NEBL: variants seen among roughly 807,000 people sequenced by gnomAD.
NEBL encodes the protein nebulette, also known as LIM and SH3 protein 2.
NEBL carries 122 observed loss-of-function variants against 140.2 expected under a neutral mutation model. That is an observed-to-expected ratio of 0.87 (90% CI 0.75 to 1.01). NEBL has a LOEUF of 1.01. Among genes scored for constraint, NEBL ranks in the 50% least tolerant of loss-of-function variants. NEBL has a pLI of 0.00. For synonymous variants in NEBL, 436 were observed against 398.9 expected (o/e 1.09, Z -1.11); for missense variants, 1,365 against 1,231.3 (o/e 1.11, Z -1.62).
intron 26 of NEBL, among the ~76,000 whole-genome samples, chr10:20,792,817 A>C (rs1160278557): frequency 2.6e-5 from 4 of 151,802 alleles, no homozygotes; most frequent in Non-Finnish European, 4.4e-5. Context: ...AAAAAAAAAA[A>C]CAAAACTCCT....
intron 3 of NEBL, among the ~76,000 whole-genome samples, chr10:21,180,947 T>A (rs1841376978): frequency 6.6e-6 from 1 of 152,048 alleles, no homozygotes; most frequent in Admixed American, 6.5e-5. Context: ...ACCTCTGCAC[T>A]GTATTTTTTT....
chr10:21,123,406 A>G (rs1328776680), intron 2 of NEBL, among the ~76,000 whole-genome samples: 3 of 152,232 alleles, frequency 2.0e-5, no homozygotes, highest in South Asian at 2.1e-4. Flanking sequence ...ATATCTGTAC[A>G]GAGAACTGCA....
At chr10:21,058,880 C>A (rs764556711) in intron 2 of NEBL, among the ~76,000 whole-genome samples, 1 of 152,128 alleles carries the variant, frequency 6.6e-6, no homozygotes, top group Non-Finnish European at 1.5e-5. Flanking sequence ...TTCAGATGTG[C>A]TGAGTATTAG....
rs772262042 is a variant in NEBL, at chr10:20,868,646, T to C, written c.684+18A>G. 3 of 1,503,194 alleles carry C rather than the reference T, an allele frequency of 2.0e-6. No homozygotes were observed. In the South Asian group the frequency reaches 3.4e-5, roughly 17 times the overall value. 93.1% of individuals were successfully genotyped at this position (1,503,194 alleles called of 1,614,324 possible). Reference sequence around the variant, plus strand: ...ATATCTGAATAAAGTCATTGTGGAATCATCACTAAAGCCTTACTTGACTAG... The same window carrying C: ...ATATCTGAATAAAGTCATTGTGGAACCATCACTAAAGCCTTACTTGACTAG... On this transcript the variant is annotated intron_variant, in intron 7 of 27. Transcript: ENST00000377122.
chr10:21,149,581 G>A (rs545942355), intron 2 of NEBL, among the ~76,000 whole-genome samples: 34 of 152,306 alleles, frequency 2.2e-4, no homozygotes, highest in African/African-American at 7.9e-4. Context: ...ATGAGCCATC[G>A]CGCCCGACCT....
At chr10:21,082,412 A>T (rs2131938985) in intron 2 of NEBL, among the ~76,000 whole-genome samples, 1 of 152,250 alleles carries the variant, frequency 6.6e-6, no homozygotes, top group South Asian at 2.1e-4. Flanking sequence ...AATACACACT[A>T]AAATATTTGG....
chr10:21,048,141 A>G (rs1191559559), intron 2 of NEBL, among the ~76,000 whole-genome samples: 1 of 152,186 alleles, frequency 6.6e-6, no homozygotes, highest in African/African-American at 2.4e-5. Flanking sequence ...GAACTCTCCC[A>G]GCATCCCTTG....
intron 5 of NEBL, among the ~76,000 whole-genome samples, chr10:20,875,055 T>G (rs941777516): frequency 1.3e-5 from 2 of 152,206 alleles, no homozygotes; most frequent in Non-Finnish European, 2.9e-5. Context: ...TTTTCTACAG[T>G]GCCAAATCTG....
chr10:20,944,641 C>T (rs543648823), intron 4 of NEBL, among the ~76,000 whole-genome samples: 94 of 152,328 alleles, frequency 6.2e-4, no homozygotes, highest in African/African-American at 1.9e-3. Context: ...ATGTCTGAGA[C>T]TAGCTATCCC....
chr10:20,944,335 G>A (rs1336499851), intron 4 of NEBL, among the ~76,000 whole-genome samples: 2 of 152,102 alleles, frequency 1.3e-5, no homozygotes, highest in African/African-American at 2.4e-5. Flanking sequence ...GGGAGGCGGA[G>A]GGTGCACTGA....
intron 1 of NEBL, among the ~76,000 whole-genome samples, chr10:21,262,535 T>C (rs1448684873): frequency 6.6e-6 from 1 of 152,174 alleles, no homozygotes; most frequent in Non-Finnish European, 1.5e-5. Flanking sequence ...TATCTGGGAT[T>C]GGAAATTAAA....
At chr10:20,805,852 CAA>C (rs11298619) in intron 26 of NEBL, among the ~76,000 whole-genome samples, 4,461 of 141,488 alleles carry the variant, frequency 0.032, 219 homozygotes, top group African/African-American at 0.11. Context: ...GACTCCGTCT[CAA>C]AAAAAAAAAA....
chr10:20,795,860 A>C (rs1213065134), intron 26 of NEBL, among the ~76,000 whole-genome samples: 2 of 152,206 alleles, frequency 1.3e-5, no homozygotes, highest in East Asian at 3.8e-4. Flanking sequence ...TTTAGTTGAA[A>C]ATACAATTAA....
chr10:20,879,320 G>C (rs1845800093), intron 5 of NEBL, among the ~76,000 whole-genome samples: 1 of 152,218 alleles, frequency 6.6e-6, no homozygotes, highest in South Asian at 2.1e-4. Flanking sequence ...CATAGTTCCT[G>C]GTGCATGGCT....
rs143790393 is a variant in NEBL, at chr10:20,858,092, C to G, written c.903+148G>C. 6.2e-4 allele frequency: 436 copies of G among 701,322 alleles called. No homozygotes were observed. The African/African-American group carries it at 7.0e-3, about 11-fold the overall frequency. 43.4% of individuals were successfully genotyped at this position (701,322 alleles called of 1,614,324 possible). A position where few individuals can be genotyped will look rare whatever the true frequency, so the allele number is the denominator to read the frequency against. ...ACAGCTCTGGTGGGATTTCTGCAAG[C>G]AGAGGACTGTTTTTCAATGAGTTAG... On this transcript the variant is annotated intron_variant, in intron 9 of 27. Transcript: ENST00000377122.
In NEBL at chr10:21,286,648, C is replaced by A. The variant is rs559994159; in HGVS notation, n.182+6182G>T. ...GAGATCGAGACCATCCTGGCTAACA[C>A]AGTGAAACCCTGTCTCTATTAAAAA... On this transcript the variant is annotated intron_variant and non_coding_transcript_variant, in intron 1 of 8. Coordinates refer to the NEBL transcript ENST00000675702. Among the ~76,000 whole-genome samples, 307 of 152,176 alleles carry A rather than the reference C, an allele frequency of 2.0e-3. 1 individual carries two copies. The highest frequency in any genetic ancestry group is 7.1e-3 in the African/African-American group (294 of 41,520).
At chr10:21,030,276 G>T in intron 2 of NEBL, 1 of 629,898 alleles carries the variant, frequency 1.6e-6, no homozygotes, top group Admixed American at 2.3e-5. Context: ...AGCTGGCGAA[G>T]TGAAGAAACT....
rs539906269 is a variant in NEBL, at chr10:20,866,815, G to A, written c.684+1849C>T. ...ATTTCCCTTTCTACTAATAAATTTGGGCATCTTTTCACCTGTTGATTGGCC... is the reference window on the plus strand; with the variant it reads ...ATTTCCCTTTCTACTAATAAATTTGAGCATCTTTTCACCTGTTGATTGGCC... On this transcript the variant is annotated intron_variant, in intron 7 of 27. Transcript: ENST00000377122. 3.9e-5 allele frequency among the ~76,000 whole-genome samples: 6 copies of A among 152,058 alleles called. No homozygotes were observed. The South Asian group carries it at 1.0e-3, about 26-fold the overall frequency.
intron 2 of NEBL, among the ~76,000 whole-genome samples, chr10:21,054,801 C>T (rs368380718): frequency 1.3e-4 from 20 of 152,248 alleles, no homozygotes; most frequent in African/African-American, 4.3e-4. Context: ...TTGGCACTTA[C>T]TCGGAGGCAT....
Sources: gnomAD v4.1 joint callset for allele counts (sites outside exome capture counted in the v4.1 genomes callset) on GRCh38, gnomAD v4.1.1 for gene constraint, MANE v1.5 for transcripts, NCBI Gene and HGNC (gene_info 2026-07-23, HGNC 2026-07-21) for gene names.